CSMD1: variants seen among roughly 807,000 people sequenced by gnomAD.
The protein encoded by CSMD1 is CUB and sushi domain-containing protein 1.
A neutral mutation model predicts 417.5 loss-of-function variants in CSMD1; 213 were observed. That is an observed-to-expected ratio of 0.51 (90% CI 0.46 to 0.57). The LOEUF is 0.57. CSMD1 is among the 20% of genes least tolerant of loss of function. CSMD1 has a pLI of 0.00. For synonymous variants in CSMD1, 2,862 were observed against 1,736.8 expected (o/e 1.65, Z -16.11); for missense variants, 6,923 against 4,529.7 (o/e 1.53, Z -15.17).
chr8:4,888,943 A>T (rs1803929593), intron 1 of CSMD1, among the ~76,000 whole-genome samples: 1 of 152,144 alleles, frequency 6.6e-6, no homozygotes, highest in Admixed American at 6.5e-5. Flanking sequence ...GGAGAAGGGA[A>T]AATCTTTACT....
intron 2 of CSMD1, among the ~76,000 whole-genome samples, chr8:4,434,509 G>A (rs1313191334): frequency 1.3e-5 from 2 of 152,086 alleles, no homozygotes; most frequent in Non-Finnish European, 2.9e-5. Flanking sequence ...AGAAAACCCA[G>A]CAAAATTGTC....
intron 3 of CSMD1, among the ~76,000 whole-genome samples, chr8:4,342,770 T>C (rs1384601148): frequency 6.6e-6 from 1 of 151,436 alleles, no homozygotes; most frequent in East Asian, 1.9e-4. Flanking sequence ...AAAAGAAAAA[T>C]AATACAAGCT....
At chr8:3,957,034 C>A (rs745581339) in intron 5 of CSMD1, among the ~76,000 whole-genome samples, 40 of 152,080 alleles carry the variant, frequency 2.6e-4, no homozygotes, top group Non-Finnish European at 5.1e-4. Flanking sequence ...ACAGGCCTAT[C>A]TCAGAAGGAA....
At chr8:4,914,066 C>G (rs988983538) in intron 1 of CSMD1, among the ~76,000 whole-genome samples, 1 of 152,066 alleles carries the variant, frequency 6.6e-6, no homozygotes, top group Non-Finnish European at 1.5e-5. Context: ...AGTACGATAC[C>G]TAAATTACTC....
chr8:4,788,064 G>C lies in CSMD1; in HGVS notation c.86-150506C>G, dbSNP rs188151160. The C allele has an allele frequency of 2.9e-4, 465 of 1,596,486 alleles. 3 individuals are homozygous for C. The East Asian group carries it at 9.7e-3, about 33-fold the overall frequency. The stretch of plus-strand genomic sequence containing the variant: ...AATGGTAAAGAAAAACTTTGAGTGG[G>C]TTGCAGAGAAAGTAGAGTTGCTTTT... On this transcript the variant is annotated intron_variant, in intron 1 of 69. Coordinates refer to ENST00000635120, the MANE Select transcript of CSMD1 (RefSeq NM_033225.6).
chr8:3,455,077 G>C (rs954927800), intron 12 of CSMD1, among the ~76,000 whole-genome samples: 4 of 152,094 alleles, frequency 2.6e-5, no homozygotes, highest in Non-Finnish European at 5.9e-5. Flanking sequence ...TTCCATCACT[G>C]ATACCCTTTC....
rs1816413366 is a variant in CSMD1, at chr8:3,110,177, T to G, written c.6589A>C (p.Asn2197His). ...TCATACCAAACAGCAATGTAATCGT[T>G]GACAGCTTCCGTCTGTAACAGGGTG... ...NFTLLQTEAV[N>H]DYIAVWDGPD... The change falls in exon 43 of 70, where the codon AAC becomes CAC. Residue 2197 changes from asparagine (N) to histidine (H), a missense_variant. Coordinates refer to ENST00000635120, the MANE Select transcript of CSMD1 (RefSeq NM_033225.6). 6.2e-7 allele frequency: 1 copy of G among 1,608,756 alleles called. No individual in the cohort carries two copies. The highest frequency in any genetic ancestry group is 1.1e-5 in the South Asian group (1 of 89,730).
chr8:4,799,065 G>A (rs1282485694), intron 1 of CSMD1, among the ~76,000 whole-genome samples: 1 of 152,144 alleles, frequency 6.6e-6, no homozygotes, highest in East Asian at 1.9e-4. Context: ...CAGAGGTCAG[G>A]GCTTGCATTG....
At chr8:4,027,207 G>A (rs772272543) in intron 4 of CSMD1, among the ~76,000 whole-genome samples, 2 of 152,114 alleles carry the variant, frequency 1.3e-5, no homozygotes, top group Non-Finnish European at 2.9e-5. Flanking sequence ...CCCTGTTGAA[G>A]GTTTGTACTT....
At chr8:3,629,619 G>A (rs1016227281) in intron 7 of CSMD1, among the ~76,000 whole-genome samples, 2 of 152,136 alleles carry the variant, frequency 1.3e-5, no homozygotes, top group African/African-American at 4.8e-5. Flanking sequence ...CAATCTCTAT[G>A]ATTCCTATAC....
intron 58 of CSMD1, 23 bp from the exon 59 acceptor site, chr8:2,965,977 G>C: frequency 6.4e-7 from 1 of 1,569,528 alleles, no homozygotes; most frequent in Non-Finnish European, 8.7e-7. Flanking sequence ...GAACAGGAAA[G>C]AATCAGAGAA....
intron 1 of CSMD1, among the ~76,000 whole-genome samples, chr8:4,743,364 C>A (rs932196717): frequency 6.6e-6 from 1 of 152,078 alleles, no homozygotes; most frequent in African/African-American, 2.4e-5. Context: ...CAACAAAAAA[C>A]GTTCACAGGA....
intron 49 of CSMD1, among the ~76,000 whole-genome samples, chr8:3,054,097 G>A (rs1008937388): frequency 6.6e-6 from 1 of 152,122 alleles, no homozygotes; most frequent in African/African-American, 2.4e-5. Flanking sequence ...ACTCCCAAAC[G>A]AGACTATTCT....
At chr8:4,547,538 A>G (rs1295968373) in intron 2 of CSMD1, among the ~76,000 whole-genome samples, 1 of 152,138 alleles carries the variant, frequency 6.6e-6, no homozygotes, top group South Asian at 2.1e-4. Flanking sequence ...CTCTCACTGT[A>G]TTTACCTGTT....
intron 5 of CSMD1, among the ~76,000 whole-genome samples, chr8:3,827,031 C>G (rs1311758410): frequency 6.6e-6 from 1 of 152,164 alleles, no homozygotes; most frequent in African/African-American, 2.4e-5. Context: ...ATCCTCCCAT[C>G]TTGGCCTTTT....
At chr8:4,204,797 G>A (rs1799878918) in intron 3 of CSMD1, among the ~76,000 whole-genome samples, 1 of 151,912 alleles carries the variant, frequency 6.6e-6, no homozygotes, top group African/African-American at 2.4e-5. Flanking sequence ...TGAGACCACA[G>A]GCACAGGTCA....
chr8:4,954,425 C>A (rs548323162), intron 1 of CSMD1, among the ~76,000 whole-genome samples: 2 of 152,266 alleles, frequency 1.3e-5, no homozygotes, highest in South Asian at 4.1e-4. Context: ...ACTCCCAATG[C>A]TGTGCACAAT....
chr8:4,290,746 G>C (rs529222911), intron 3 of CSMD1, among the ~76,000 whole-genome samples: 7 of 152,134 alleles, frequency 4.6e-5, no homozygotes, highest in African/African-American at 1.7e-4. Context: ...CCTATCTGTA[G>C]TTTCATTTAG....
intron 3 of CSMD1, among the ~76,000 whole-genome samples, chr8:4,276,871 T>A (rs1413996652): frequency 6.6e-6 from 1 of 152,194 alleles, no homozygotes; most frequent in Admixed American, 6.5e-5. Flanking sequence ...GAAAATAAGT[T>A]AAAAACATTT....
Sources: allele counts gnomAD v4.1 joint callset (sites outside exome capture counted in the v4.1 genomes callset), GRCh38; gene constraint gnomAD v4.1.1; transcripts MANE v1.5; gene names NCBI Gene and HGNC (gene_info 2026-07-23, HGNC 2026-07-21).